Variants in PTPRG observed in about 807,000 individuals in gnomAD.
The protein encoded by PTPRG is protein tyrosine phosphatase receptor type G.
A neutral mutation model predicts 165.3 loss-of-function variants in PTPRG; 102 were observed. The ratio of observed to expected loss-of-function variants is 0.62; its 90% CI spans 0.53 to 0.73. The LOEUF (loss-of-function observed/expected upper bound fraction) is 0.73. PTPRG is among the 30% of genes least tolerant of loss of function. The pLI, the probability that PTPRG is intolerant of heterozygous loss-of-function variation, is 0.00. For synonymous variants in PTPRG, 675 were observed against 669.5 expected, an observed-to-expected ratio of 1.01 and a Z score of -0.13; for missense variants, 1,866 against 1,861.4, an observed-to-expected ratio of 1.00 and a Z score of -0.05.
rs542306888 is a variant in PTPRG at position 62,069,684 on chromosome 3, T to TCTCTCACACA, written c.520-8478_520-8477insTCTCACACAC. Among the ~76,000 whole-genome samples, 705 of 144,936 alleles carry TCTCTCACACA rather than the reference T, an allele frequency of 4.9e-3. 9 individuals carry two copies. Among genetic ancestry groups the TCTCTCACACA allele is most frequent in the African/African-American group, 0.014 (540 of 37,806 alleles). On this transcript the variant is annotated intron_variant, in intron 4 of 29. Coordinates refer to ENST00000474889, the MANE Select transcript of PTPRG (RefSeq NM_002841.4). ...CTCTCTCTCTCTCTCTCTCTCTCTCTCACACACAGACACACGCACACACAC... is the reference window on the plus strand; with the variant it reads ...CTCTCTCTCTCTCTCTCTCTCTCTCTCTCTCACACACACACACAGACACACGCACACACAC...
chr3:62,148,626 G>A lies in PTPRG; in HGVS notation c.683-8441G>A, dbSNP rs151320722. Among the ~76,000 whole-genome samples, 99 of 152,158 alleles carry A rather than the reference G, an allele frequency of 6.5e-4. 1 individual carries two copies. The East Asian group carries it at 0.016, about 24-fold the overall frequency. On this transcript the variant is annotated intron_variant, in intron 6 of 29. Coordinates refer to ENST00000474889, the MANE Select transcript of PTPRG (RefSeq NM_002841.4). The stretch of plus-strand genomic sequence containing the variant: ...TAAAAATACAAAAAATTAGTTGGGC[G>A]TGGTGGCGTGCCTGTAGTCCCAGCT...
chr3:61,971,666 C>T (rs1470423814), intron 2 of PTPRG, among the ~76,000 whole-genome samples: 1 of 152,208 alleles, frequency 6.6e-6, no homozygotes, highest in Non-Finnish European at 1.5e-5. Flanking sequence ...CATAGGTATA[C>T]TTCCAGTTAA....
rs1553667465 is a variant in PTPRG, at chr3:62,281,551, T to TTTTTTTTTTTTTTTTTTTTTTTTTTTTG, written c.3766-12_3766-11insTTTTTTTTTTTTTTTTTTTTTTTTTTTG. On this transcript the variant is annotated splice_polypyrimidine_tract_variant and intron_variant, in intron 26 of 29. Coordinates refer to ENST00000474889, the MANE Select transcript of PTPRG (RefSeq NM_002841.4). ...GAACTGCAGAGGCTTTTTTTTTTTT[T>TTTTTTTTTTTTTTTTTTTTTTTTTTTTG]GGATTCCAAAGGCAGAAGATGAGTT... 18 of 1,466,966 alleles carry TTTTTTTTTTTTTTTTTTTTTTTTTTTTG rather than the reference T, an allele frequency of 1.2e-5. 3 individuals are homozygous for TTTTTTTTTTTTTTTTTTTTTTTTTTTTG. In the South Asian group the frequency reaches 2.3e-4, roughly 19 times the overall value. 90.9% of individuals were successfully genotyped at this position (1,466,966 alleles called of 1,614,324 possible).
chr3:61,792,667 GTTTTCTTTCTTTCTTTCTTTCTTT>G (rs1386085013), intron 2 of PTPRG, among the ~76,000 whole-genome samples: 5 of 146,812 alleles, frequency 3.4e-5, no homozygotes, highest in South Asian at 2.2e-4. Context: ...TTTTTTGTGG[GTTTTCTTTCTTTCTTTCTTTCTTT>G]CTTTCTTTCT....
At chr3:62,277,526 A>T (rs997588136) in intron 25 of PTPRG, 25 bp from the exon 26 acceptor site, 1 of 1,603,708 alleles carries the variant, frequency 6.2e-7, no homozygotes, top group East Asian at 2.2e-5. Context: ...ATATTCACTG[A>T]TTTTTTTTGT....
At chr3:61,569,567 C>T (rs1700006572) in intron 1 of PTPRG, among the ~76,000 whole-genome samples, 1 of 152,160 alleles carries the variant, frequency 6.6e-6, no homozygotes, top group Non-Finnish European at 1.5e-5. Context: ...GATCCTCCTA[C>T]CTCAACTTCC....
intron 5 of PTPRG, among the ~76,000 whole-genome samples, chr3:62,120,954 G>T (rs548901130): frequency 2.7e-5 from 4 of 150,764 alleles, no homozygotes; most frequent in African/African-American, 9.7e-5. Flanking sequence ...ATAGCTATAG[G>T]TTTTTTTTCA....
At chr3:61,784,303 A>T (rs2034631287) in intron 2 of PTPRG, among the ~76,000 whole-genome samples, 1 of 152,182 alleles carries the variant, frequency 6.6e-6, no homozygotes, top group Admixed American at 6.5e-5. Context: ...GTGATGTTGG[A>T]TTGAGCGAGA....
intron 5 of PTPRG, among the ~76,000 whole-genome samples, chr3:62,104,703 G>A (rs1461176068): frequency 6.6e-6 from 1 of 152,140 alleles, no homozygotes; most frequent in Non-Finnish European, 1.5e-5. Flanking sequence ...TTTTGATGAG[G>A]AACAGAATTC....
In PTPRG at chr3:62,231,208, G is replaced by C. The variant is rs780872663; in HGVS notation, c.2289-17G>C. The C allele has an allele frequency of 6.6e-7, 1 of 1,525,058 alleles. No individual in the cohort carries two copies. The highest frequency in any genetic ancestry group is 8.8e-7 in the Non-Finnish European group (1 of 1,135,216). The allele number at this position is 1,525,058 out of a possible 1,614,324, so 94.5% of individuals were successfully genotyped here. On this transcript the variant is annotated splice_polypyrimidine_tract_variant and intron_variant, in intron 13 of 29. Transcript: ENST00000474889. ...CTGTATTCTACACCTGTTCTCTTTTGTTTTTTGTCCATTTAGAGGGTGTAA... is the reference window on the plus strand; with the variant it reads ...CTGTATTCTACACCTGTTCTCTTTTCTTTTTTGTCCATTTAGAGGGTGTAA...
At chr3:62,188,272 G>A (rs975402202) in intron 8 of PTPRG, among the ~76,000 whole-genome samples, 8 of 152,148 alleles carry the variant, frequency 5.3e-5, no homozygotes, top group African/African-American at 1.9e-4. Context: ...CTACTTAGGA[G>A]GCTGAGGTGG....
At chr3:62,120,596 C>A (rs890225099) in intron 5 of PTPRG, among the ~76,000 whole-genome samples, 3 of 151,782 alleles carry the variant, frequency 2.0e-5, no homozygotes, top group Non-Finnish European at 4.4e-5. Flanking sequence ...ACTAAAAATA[C>A]AAAAATTAGC....
At chr3:61,910,924 G>A (rs531312116) in intron 2 of PTPRG, among the ~76,000 whole-genome samples, 1 of 152,132 alleles carries the variant, frequency 6.6e-6, no homozygotes, top group African/African-American at 2.4e-5. Context: ...TCTTGACTCT[G>A]GTTGTCCCCC....
chr3:61,977,225 C>G (rs1430480508), intron 2 of PTPRG, among the ~76,000 whole-genome samples: 2 of 149,250 alleles, frequency 1.3e-5, no homozygotes, highest in East Asian at 2.0e-4. Context: ...AAACTTTTAC[C>G]TCACCGGGAG....
chr3:61,621,872 C>CACA (rs1296635637), intron 1 of PTPRG, among the ~76,000 whole-genome samples: 1 of 152,042 alleles, frequency 6.6e-6, no homozygotes, highest in African/African-American at 2.4e-5. Context: ...GTATGTGGTT[C>CACA]TCTGTAGAAT....
chr3:61,813,522 A>G (rs1363140625), intron 2 of PTPRG, among the ~76,000 whole-genome samples: 2 of 142,702 alleles, frequency 1.4e-5, no homozygotes, highest in Admixed American at 7.2e-5. Flanking sequence ...TCTCAAAAAA[A>G]AAAAAAAGAA....
intron 2 of PTPRG, among the ~76,000 whole-genome samples, chr3:61,853,713 C>T (rs1175460535): frequency 1.2e-4 from 19 of 152,184 alleles, no homozygotes. Flanking sequence ...TTTAGTTACA[C>T]AGCATATGAC....
chr3:61,925,030 T>A (rs1332037341), intron 2 of PTPRG, among the ~76,000 whole-genome samples: 1 of 152,132 alleles, frequency 6.6e-6, no homozygotes, highest in Non-Finnish European at 1.5e-5. Flanking sequence ...AACACACTGG[T>A]CCCCTGATTT....
intron 2 of PTPRG, among the ~76,000 whole-genome samples, chr3:61,808,618 T>C (rs2035483502): frequency 6.6e-6 from 1 of 152,148 alleles, no homozygotes; most frequent in Admixed American, 6.5e-5. Context: ...ACCATCCCTT[T>C]CGCAAAATCG....
Sources: gnomAD v4.1 joint callset for allele counts (sites outside exome capture counted in the v4.1 genomes callset) on GRCh38, gnomAD v4.1.1 for gene constraint, MANE v1.5 for transcripts, NCBI Gene and HGNC (gene_info 2026-07-23, HGNC 2026-07-21) for gene names.